Variants in UNC45B observed in about 807,000 individuals in gnomAD.
UNC45B encodes the protein unc-45 myosin chaperone B, also known as protein unc-45 homolog B.
UNC45B carries 78 observed loss-of-function variants against 98.7 expected under a neutral mutation model. That is an observed-to-expected ratio of 0.79 (90% CI 0.66 to 0.95). UNC45B has a LOEUF of 0.95. UNC45B is among the 40% of genes least tolerant of loss of function. The pLI is 0.00. For synonymous variants in UNC45B, 462 were observed against 480.4 expected, an observed-to-expected ratio of 0.96 and a Z score of 0.50; for missense variants, 1,225 against 1,184.9, an observed-to-expected ratio of 1.03 and a Z score of -0.50.
At chr17:35,158,359 G>T (rs1478087072) in intron 7 of UNC45B, among the ~76,000 whole-genome samples, 1 of 152,196 alleles carries the variant, frequency 6.6e-6, no homozygotes, top group African/African-American at 2.4e-5. Context: ...CTAGTGGCCA[G>T]CTTGGGTTTC....
chr17:35,174,849 A>AAGAG (rs149375100), intron 14 of UNC45B, among the ~76,000 whole-genome samples: 8 of 148,444 alleles, frequency 5.4e-5, no homozygotes, highest in East Asian at 4.0e-4. Flanking sequence ...GAAAGAGAGA[A>AAGAG]AGAGAGAGAG....
rs1031406372 is a variant in UNC45B, at chr17:35,187,839, C to G, written c.*1280C>G. ...TAAGATAGCTAAGATCTAGTACTGT[C>G]ACTCCAGTATGTCCCAATTCTACCT... On this transcript the variant is annotated 3_prime_UTR_variant, in exon 20 of 20. Coordinates refer to ENST00000394570, the MANE Select transcript of UNC45B (RefSeq NM_001267052.2). The G allele has an allele frequency of 6.6e-6, 1 of 152,228 alleles. No homozygotes were observed. The highest frequency in any genetic ancestry group is 1.5e-5 in the Non-Finnish European group (1 of 68,048). The allele number at this position is 152,228 out of a possible 1,614,324, so 9.4% of individuals were successfully genotyped here. A position where few individuals can be genotyped will look rare whatever the true frequency, so the allele number is the denominator to read the frequency against.
chr17:35,183,730 A>G (rs2092287766), intron 19 of UNC45B, 148 bp downstream of exon 19: 2 of 902,780 alleles, frequency 2.2e-6, no homozygotes, highest in Middle Eastern at 3.7e-4. Context: ...GCCTAAGGAG[A>G]GGAGGGTTTA....
chr17:35,180,702 C>T, intron 18 of UNC45B, 26 bp downstream of exon 18: 2 of 1,592,638 alleles, frequency 1.3e-6, no homozygotes. Flanking sequence ...AGGATGGAGA[C>T]CCGGGCGTGA....
intron 3 of UNC45B, 76 bp downstream of exon 3, chr17:35,149,085 T>C: frequency 6.4e-7 from 1 of 1,558,348 alleles, no homozygotes; most frequent in Non-Finnish European, 8.8e-7. Context: ...TAGTTACCAT[T>C]TTGGGGGAAG....
chr17:35,162,933 C>T (rs904632863), intron 8 of UNC45B, among the ~76,000 whole-genome samples: 3 of 152,112 alleles, frequency 2.0e-5, no homozygotes, highest in East Asian at 1.9e-4. Context: ...AACCTGGCTC[C>T]GAAATCCATC....
intron 1 of UNC45B, 71 bp from the exon 2 acceptor site, chr17:35,148,193 C>G (rs1012009210): frequency 8.9e-6 from 14 of 1,573,192 alleles, no homozygotes; most frequent in Non-Finnish European, 1.2e-5. Context: ...AGCTCCGGAC[C>G]TCAGGCCAGG....
intron 12 of UNC45B, 49 bp downstream of exon 12, chr17:35,170,304 C>A: frequency 6.5e-7 from 1 of 1,545,122 alleles, no homozygotes. Context: ...GAAAGGTCTG[C>A]TGGGTCCAGA....
chr17:35,173,419 C>T (rs1363226825), intron 13 of UNC45B, among the ~76,000 whole-genome samples: 3 of 152,162 alleles, frequency 2.0e-5, no homozygotes, highest in Admixed American at 6.5e-5. Context: ...AGCCACCACG[C>T]CTGGCCCGGT....
chr17:35,160,904 T>A (rs1442200879), intron 8 of UNC45B, among the ~76,000 whole-genome samples: 1 of 152,258 alleles, frequency 6.6e-6, no homozygotes, highest in African/African-American at 2.4e-5. Context: ...ACACACAGAC[T>A]ATACCTTGTT....
In UNC45B at chr17:35,154,611, C is replaced by T; in HGVS notation, c.509C>T (p.Ala170Val). Residue 170 changes from alanine (A) to valine (V), a missense_variant, in exon 6 of 20, where the codon GCA becomes GTA. By Grantham distance (64) the Ala-to-Val change is moderately conservative. Coordinates refer to ENST00000394570, the MANE Select transcript of UNC45B (RefSeq NM_001267052.2). ...NNLIVLGREE[A>V]GAEKIFQNNG... ...CTCATTGTCCTAGGCCGTGAGGAAG[C>T]AGGGGCTGAGAAGATCTTCCAGAAC... 6.2e-7 allele frequency: 1 copy of T among 1,613,470 alleles called. No homozygotes were observed. Among genetic ancestry groups the T allele is most frequent in the Non-Finnish European group, 8.5e-7 (1 of 1,179,832 alleles).
chr17:35,148,439 G>A lies in UNC45B; in HGVS notation c.168+8G>A, dbSNP rs779126714. ...GCCTGTGGCCTGAAAACGGTCTGGG[G>A]CAGGGCAGGGCACAGGGTGGGAGTG... On this transcript the variant is annotated splice_region_variant and intron_variant, in intron 2 of 19. Transcript: ENST00000394570. 3.1e-6 allele frequency: 5 copies of A among 1,612,830 alleles called. No homozygotes were observed. The South Asian group carries it at 5.5e-5, about 18-fold the overall frequency.
At chr17:35,182,192 C>A (rs2092278208) in intron 18 of UNC45B, among the ~76,000 whole-genome samples, 1 of 151,580 alleles carries the variant, frequency 6.6e-6, no homozygotes, top group African/African-American at 2.4e-5. Flanking sequence ...TGGGTTCAAG[C>A]AATTGTCCTG....
At chr17:35,151,794 A>AC (rs967710262) in intron 4 of UNC45B, among the ~76,000 whole-genome samples, 3 of 152,064 alleles carry the variant, frequency 2.0e-5, no homozygotes, top group Non-Finnish European at 4.4e-5. Context: ...ACCTCTCCGC[A>AC]CCCCCAAAGG....
At chr17:35,186,256 C>G (rs2092302678) in intron 19 of UNC45B, 43 bp from the exon 20 acceptor site, 8 of 1,603,928 alleles carry the variant, frequency 5.0e-6, no homozygotes, top group Non-Finnish European at 6.8e-6. Flanking sequence ...TCTGGGGACA[C>G]ACTCAAACCT....
chr17:35,185,316 AT>A (rs35465770), intron 19 of UNC45B, among the ~76,000 whole-genome samples: 68,045 of 150,108 alleles, frequency 0.45, 16,378 homozygotes, highest in African/African-American at 0.62. Context: ...TTTTATTTTT[AT>A]TTTTTTTTGA....
rs2092319661 is a variant in UNC45B, at chr17:35,189,218, A to T, written c.*2659A>T. On this transcript the variant is annotated 3_prime_UTR_variant, in exon 20 of 20. Transcript: ENST00000394570. ...GTCTGTGTCATATTAATCCTTTGCC[A>T]TTTGAGAAGCATACAGTTTTAAAGT... The T allele has an allele frequency of 6.6e-6, 1 of 152,192 alleles. No individual in the cohort carries two copies. Among genetic ancestry groups the T allele is most frequent in the Non-Finnish European group, 1.5e-5 (1 of 68,034 alleles). The allele number at this position is 152,192 out of a possible 1,614,324, so 9.4% of individuals were successfully genotyped here.
At position 35,186,799 on chromosome 17, in the gene UNC45B, C is replaced by T. The variant is rs991048405; in HGVS notation, c.*240C>T. Reference sequence around the variant, plus strand: ...TTATATTTGTCATGTTTCAGAAATTCCCAGAATAATTTTCACCCATGATTA... The same window carrying T: ...TTATATTTGTCATGTTTCAGAAATTTCCAGAATAATTTTCACCCATGATTA... On this transcript the variant is annotated 3_prime_UTR_variant, in exon 20 of 20. Transcript: ENST00000394570. The T allele has an allele frequency of 7.3e-6, 3 of 413,746 alleles. No homozygotes were observed. The highest frequency in any genetic ancestry group is 4.0e-5 in the African/African-American group (2 of 49,938). The allele number at this position is 413,746 out of a possible 1,614,324, so 25.6% of individuals were successfully genotyped here.
chr17:35,183,081 G>A (rs1461383387), intron 18 of UNC45B, among the ~76,000 whole-genome samples: 1 of 151,716 alleles, frequency 6.6e-6, no homozygotes, highest in African/African-American at 2.4e-5. Flanking sequence ...CATTATGGGA[G>A]AAACCTTCCA....
Sources: gnomAD v4.1 joint callset for allele counts (sites outside exome capture counted in the v4.1 genomes callset) on GRCh38, gnomAD v4.1.1 for gene constraint, MANE v1.5 for transcripts, NCBI Gene and HGNC (gene_info 2026-07-23, HGNC 2026-07-21) for gene names.